Variants in ATP10B observed in about 807,000 individuals in gnomAD.
ATP10B encodes phospholipid-transporting ATPase VB.
A neutral mutation model predicts 141.2 loss-of-function variants in ATP10B; 122 were observed. That is an observed-to-expected ratio of 0.86 (90% CI 0.75 to 1.00). ATP10B has a LOEUF of 1.00. ATP10B is among the 50% of genes least tolerant of loss of function. ATP10B has a pLI of 0.00. For missense variants in ATP10B, 1,876 were observed against 1,825.3 expected (o/e 1.03, Z -0.51); for synonymous variants, 685 against 692.0 (o/e 0.99, Z 0.16).
At chr5:160,590,325 T>A (rs1046879053) in intron 23 of ATP10B, among the ~76,000 whole-genome samples, 3 of 151,932 alleles carry the variant, frequency 2.0e-5, no homozygotes, top group Non-Finnish European at 4.4e-5. Flanking sequence ...AGCCAGGAAG[T>A]TCAAGCAAAA....
chr5:160,608,157 C>T (rs1257059537), intron 18 of ATP10B, among the ~76,000 whole-genome samples: 1 of 152,030 alleles, frequency 6.6e-6, no homozygotes, highest in Non-Finnish European at 1.5e-5. Context: ...TCACTTCCCA[C>T]CTATGAGTGA....
chr5:160,643,059 A>G (rs1313528471), intron 9 of ATP10B, among the ~76,000 whole-genome samples: 1 of 152,198 alleles, frequency 6.6e-6, no homozygotes, highest in Non-Finnish European at 1.5e-5. Context: ...TAATAGGTTT[A>G]CCAGATGGTG....
intron 18 of ATP10B, among the ~76,000 whole-genome samples, chr5:160,607,945 ATACTTT>A (rs1374770583): frequency 6.6e-6 from 1 of 152,202 alleles, no homozygotes; most frequent in Non-Finnish European, 1.5e-5. Flanking sequence ...TATTTTTATT[ATACTTT>A]AAGTTCTAGG....
At chr5:160,863,393 G>A in the ATP10B span, among the ~76,000 whole-genome samples, 52 of 151,964 alleles carry the variant, frequency 3.4e-4, no homozygotes, top group Middle Eastern at 3.4e-3. Flanking sequence ...CTGAACTGGA[G>A]GAGAGGGCAT....
intron 1 of ATP10B, among the ~76,000 whole-genome samples, chr5:160,797,951 A>G (rs759477900): frequency 4.4e-5 from 2 of 45,858 alleles, no homozygotes; most frequent in Non-Finnish European, 9.2e-5. Context: ...AAAAAAAGAA[A>G]AAAAAAAAAA....
At chr5:160,742,085 T>G (rs1767518459) in intron 2 of ATP10B, among the ~76,000 whole-genome samples, 1 of 152,224 alleles carries the variant, frequency 6.6e-6, no homozygotes, top group African/African-American at 2.4e-5. Context: ...TTTGAGCAAC[T>G]GACAACCTCT....
chr5:160,617,894 A>G lies in ATP10B; in HGVS notation c.2496T>C (p.Asp832=). ...TGGCAATGCATAGTGTGCGCAGGCC[A>G]TCTCTTGCATACAAGTCTAGATGCT... ...TQKHLDLYAR[D]GLRTLCIAKK... Residue 832 remains aspartate (D), a synonymous_variant, in exon 16 of 26, where the codon GAT becomes GAC. Coordinates refer to ENST00000327245, the MANE Select transcript of ATP10B (RefSeq NM_025153.3). 6.2e-7 allele frequency: 1 copy of G among 1,614,186 alleles called. No homozygotes were observed. The highest frequency in any genetic ancestry group is 2.2e-5 in the East Asian group (1 of 44,886).
At chr5:160,651,444 G>A (rs543251667) in intron 7 of ATP10B, among the ~76,000 whole-genome samples, 2 of 151,990 alleles carry the variant, frequency 1.3e-5, no homozygotes, top group African/African-American at 2.4e-5. Flanking sequence ...ATGAGCCTTC[G>A]TTTCTTCATC....
In ATP10B at chr5:160,843,060, A is replaced by G. The variant is rs116326408; in HGVS notation, c.-576+8881T>C. On this transcript the variant is annotated intron_variant, in intron 1 of 25. Transcript: ENST00000327245. ...TTATAAACATAAAAGCAACAATCCT[A>G]AACCAAATATTTCCAGACAAATCCA... Among the ~76,000 whole-genome samples, 919 of 152,338 alleles carry G rather than the reference A, an allele frequency of 6.0e-3. 14 individuals are homozygous for G. Among genetic ancestry groups the G allele is most frequent in the African/African-American group, 0.021 (875 of 41,584 alleles).
At chr5:160,653,578 T>C (rs148035217) in intron 7 of ATP10B, among the ~76,000 whole-genome samples, 2,695 of 26,178 alleles carry the variant, frequency 0.1, 254 homozygotes, top group African/African-American at 0.32. Flanking sequence ...CATATACATA[T>C]ATACATATAT....
the ATP10B span, among the ~76,000 whole-genome samples, chr5:160,919,218 C>T: frequency 8.1e-4 from 18 of 22,184 alleles, no homozygotes; most frequent in African/African-American, 5.9e-3. Flanking sequence ...AGCGAAACTC[C>T]GTCTCAAAAA....
intron 2 of ATP10B, among the ~76,000 whole-genome samples, chr5:160,736,867 A>G (rs900486735): frequency 6.6e-6 from 1 of 152,230 alleles, no homozygotes; most frequent in African/African-American, 2.4e-5. Flanking sequence ...TGCTCACATT[A>G]TTCTGCAAAT....
chr5:160,721,587 G>C (rs1766002916), intron 2 of ATP10B, among the ~76,000 whole-genome samples: 1 of 152,190 alleles, frequency 6.6e-6, no homozygotes, highest in Non-Finnish European at 1.5e-5. Flanking sequence ...GTGAGAGGCA[G>C]GTGGAAAAGG....
intron 1 of ATP10B, among the ~76,000 whole-genome samples, chr5:160,835,123 G>T (rs899682234): frequency 1.3e-5 from 2 of 151,864 alleles, no homozygotes; most frequent in African/African-American, 4.8e-5. Flanking sequence ...CTGAAACAGA[G>T]ATAATTCCTC....
rs370953192 is a variant in ATP10B at position 160,620,846 on chromosome 5, G to C, written c.1917C>G (p.Ser639=). Residue 639 remains serine, a synonymous_variant, in exon 15 of 26, where the codon TCC becomes TCG. Coordinates refer to ENST00000327245, the MANE Select transcript of ATP10B (RefSeq NM_025153.3). ...KLLSLSQSFS[S]TAPSDTDLGE... ...CGAGGTCTGTGTCAGAGGGTGCAGTGGATGAGAATGACTGGCTGAGGCTCA... is the reference window on the plus strand; with the variant it reads ...CGAGGTCTGTGTCAGAGGGTGCAGTCGATGAGAATGACTGGCTGAGGCTCA... The C allele has an allele frequency of 6.2e-7, 1 of 1,614,090 alleles. No homozygotes were observed. Among genetic ancestry groups the C allele is most frequent in the African/African-American group, 1.3e-5 (1 of 74,940 alleles).
chr5:160,592,484 GAC>G (rs1033461314), intron 22 of ATP10B, among the ~76,000 whole-genome samples: 1 of 152,228 alleles, frequency 6.6e-6, no homozygotes, highest in African/African-American at 2.4e-5. Flanking sequence ...CAGCATGAGC[GAC>G]ACAGAAGACG....
chr5:160,629,113 G>A (rs1581225437), intron 13 of ATP10B, among the ~76,000 whole-genome samples: 1 of 152,086 alleles, frequency 6.6e-6, no homozygotes, highest in Non-Finnish European at 1.5e-5. Flanking sequence ...GTAAAGAACT[G>A]GTGATTCCAA....
chr5:160,653,111 AT>A (rs1314686685), intron 7 of ATP10B, among the ~76,000 whole-genome samples: 1 of 128,708 alleles, frequency 7.8e-6, no homozygotes, highest in Non-Finnish European at 1.6e-5. Context: ...TATATATAAC[AT>A]ATACATGTAT....
chr5:160,600,273 C>T lies in ATP10B; in HGVS notation c.3364-1303G>A, dbSNP rs62391637. On this transcript the variant is annotated intron_variant, in intron 21 of 25. Coordinates refer to ENST00000327245, the MANE Select transcript of ATP10B (RefSeq NM_025153.3). Reference sequence around the variant, plus strand: ...CCAAGGTTCTGACATACTGTTGCCCCCTGCCCAAATTCAGAGCTAGAGAGT... The same window carrying T: ...CCAAGGTTCTGACATACTGTTGCCCTCTGCCCAAATTCAGAGCTAGAGAGT... 7.8e-3 allele frequency among the ~76,000 whole-genome samples: 1,184 copies of T among 152,260 alleles called. 9 individuals are homozygous for T. The highest frequency in any genetic ancestry group is 0.017 in the Middle Eastern group (5 of 294).
Sources: gnomAD v4.1 joint callset for allele counts (sites outside exome capture counted in the v4.1 genomes callset) on GRCh38, gnomAD v4.1.1 for gene constraint, MANE v1.5 for transcripts, NCBI Gene and HGNC (gene_info 2026-07-23, HGNC 2026-07-21) for gene names.